The following DCLK2 variants were observed in gnomAD, a reference collection of about 807,000 sequenced individuals.
DCLK2 encodes serine/threonine-protein kinase DCLK2.
In DCLK2, 31 loss-of-function variants were observed where a neutral mutation model predicts 78.4. The observed-to-expected ratio is 0.40, with a 90% CI of 0.30 to 0.53. The LOEUF (loss-of-function observed/expected upper bound fraction) is 0.53. Among genes scored for constraint, DCLK2 ranks in the 20% least tolerant of loss-of-function variants. DCLK2 has a pLI of 0.61. For missense variants in DCLK2, 872 were observed against 973.7 expected (o/e 0.90, Z 1.39); for synonymous variants, 407 against 374.9 (o/e 1.09, Z -0.99).
chr4:150,218,700 T>C (rs907928513), intron 5 of DCLK2, among the ~76,000 whole-genome samples: 1 of 152,184 alleles, frequency 6.6e-6, no homozygotes, highest in Non-Finnish European at 1.5e-5. Context: ...CAGCTGCCTG[T>C]GGCCTGACCA....
rs775876490 is a variant in DCLK2 at position 150,160,402 on chromosome 4, A to T, written c.757-32736A>T. Among the ~76,000 whole-genome samples the T allele has an allele frequency of 3.0e-4, 46 of 152,126 alleles. 1 individual carries two copies. The highest frequency in any genetic ancestry group is 6.0e-4 in the Non-Finnish European group (41 of 68,036). On this transcript the variant is annotated intron_variant, in intron 2 of 15. Transcript: ENST00000296550. Reference sequence around the variant, plus strand: ...TGTTTGTTATTTTGCAGCTTTTAGGATTTAATTTACTTTCAGTATTCAAGC... The same window carrying T: ...TGTTTGTTATTTTGCAGCTTTTAGGTTTTAATTTACTTTCAGTATTCAAGC...
At position 150,165,019 on chromosome 4, in the gene DCLK2, T is replaced by G. The variant is rs115393731; in HGVS notation, c.757-28119T>G. Among the ~76,000 whole-genome samples, 1,259 of 152,352 alleles carry G rather than the reference T, an allele frequency of 8.3e-3. 5 individuals carry two copies. The highest frequency in any genetic ancestry group is 0.021 in the Middle Eastern group (6 of 292). ...CTTGTTTTGGTTTACATGAGTAATC[T>G]CTGATTTTGTAGTGAATAAATGGGT... On this transcript the variant is annotated intron_variant, in intron 2 of 15. Coordinates refer to ENST00000296550, the MANE Select transcript of DCLK2 (RefSeq NM_001040260.4).
chr4:150,204,007 T>A lies in DCLK2; in HGVS notation c.1056+118T>A, dbSNP rs1023374254. The stretch of plus-strand genomic sequence containing the variant: ...TAGCAAATTAAAAAGATTTTAGGAT[T>A]TTGAGCCTGGTAGACTTGACTTCGA... On this transcript the variant is annotated intron_variant, in intron 5 of 15. Coordinates refer to ENST00000296550, the MANE Select transcript of DCLK2 (RefSeq NM_001040260.4). 2.9e-5 allele frequency: 28 copies of A among 954,508 alleles called. No homozygotes were observed. The South Asian group carries it at 4.6e-4, about 16-fold the overall frequency. 59.1% of individuals were successfully genotyped at this position (954,508 alleles called of 1,614,324 possible). A position where few individuals can be genotyped will look rare whatever the true frequency, so the allele number is the denominator to read the frequency against.
At position 150,190,034 on chromosome 4, in the gene DCLK2, C is replaced by CAAAAAAAAAAAAAAAAAA. The variant is rs71596222; in HGVS notation, c.757-3087_757-3086insAAAAAAAAAAAAAAAAAA. On this transcript the variant is annotated intron_variant, in intron 2 of 15. Coordinates refer to ENST00000296550, the MANE Select transcript of DCLK2 (RefSeq NM_001040260.4). ...TGGGCATCATAGGGAGACCCTGTCT[C>CAAAAAAAAAAAAAAAAAA]AAAAAAAAAAAAAAAAAGGCCAAGT... Among the ~76,000 whole-genome samples, 62 of 26,226 alleles carry CAAAAAAAAAAAAAAAAAA rather than the reference C, an allele frequency of 2.4e-3. 17 individuals are homozygous for CAAAAAAAAAAAAAAAAAA. Among genetic ancestry groups the CAAAAAAAAAAAAAAAAAA allele is most frequent in the Non-Finnish European group, 3.3e-3 (42 of 12,548 alleles). The allele number at this position is 26,226 out of a possible 152,430, so 17.2% of individuals were successfully genotyped here. A position where few individuals can be genotyped will look rare whatever the true frequency, so the allele number is the denominator to read the frequency against.
intron 2 of DCLK2, among the ~76,000 whole-genome samples, chr4:150,130,789 T>A (rs985090052): frequency 3.6e-4 from 54 of 151,914 alleles, no homozygotes; most frequent in African/African-American, 1.3e-3. Flanking sequence ...GAGCAGAGAA[T>A]CCAGACTGAA....
intron 2 of DCLK2, among the ~76,000 whole-genome samples, chr4:150,122,880 T>C (rs1356472356): frequency 6.6e-6 from 1 of 152,250 alleles, no homozygotes; most frequent in Non-Finnish European, 1.5e-5. Flanking sequence ...TAGCAAGGGC[T>C]TCTTTCCTTA....
intron 2 of DCLK2, among the ~76,000 whole-genome samples, chr4:150,174,605 C>T (rs901333432): frequency 6.6e-6 from 1 of 151,954 alleles, no homozygotes. Context: ...AGGCGGATCA[C>T]GAGGTCAGGA....
At chr4:150,247,815 G>A in intron 13 of DCLK2, 116 bp downstream of exon 13, 1 of 768,008 alleles carries the variant, frequency 1.3e-6, no homozygotes, top group South Asian at 2.0e-5. Context: ...CTTTTAATGT[G>A]TGGTTCTTCT....
At chr4:150,173,949 G>T (rs1736742138) in intron 2 of DCLK2, among the ~76,000 whole-genome samples, 1 of 152,176 alleles carries the variant, frequency 6.6e-6, no homozygotes, top group Non-Finnish European at 1.5e-5. Context: ...GAACTCCTAT[G>T]AAGTCGAAGG....
intron 1 of DCLK2, among the ~76,000 whole-genome samples, chr4:150,084,633 G>C (rs966533238): frequency 1.3e-5 from 2 of 152,200 alleles, no homozygotes; most frequent in African/African-American, 4.8e-5. Flanking sequence ...TATGAGATTA[G>C]AGTATGACAC....
intron 2 of DCLK2, among the ~76,000 whole-genome samples, chr4:150,104,412 A>AT (rs1405123752): frequency 1.3e-5 from 2 of 149,796 alleles, no homozygotes; most frequent in African/African-American, 4.9e-5. Context: ...AAAAAAAAAA[A>AT]AAAAAAAAAA....
intron 1 of DCLK2, among the ~76,000 whole-genome samples, chr4:150,090,503 G>T (rs1026269944): frequency 2.2e-5 from 2 of 90,002 alleles, no homozygotes; most frequent in East Asian, 3.8e-4. Context: ...GATATTCTTG[G>T]CCCCATGTAT....
chr4:150,175,011 A>AAAAATAT lies in DCLK2; in HGVS notation c.757-18126_757-18125insAAATATA, dbSNP rs1454035697. Among the ~76,000 whole-genome samples, 19 of 9,976 alleles carry AAAAATAT rather than the reference A, an allele frequency of 1.9e-3. 7 individuals carry two copies. The highest frequency in any genetic ancestry group is 4.5e-3 in the African/African-American group (17 of 3,794). 6.5% of individuals were successfully genotyped at this position (9,976 alleles called of 152,430 possible). A position where few individuals can be genotyped will look rare whatever the true frequency, so the allele number is the denominator to read the frequency against. ...AGACTCCGTCGCAAAAAAAAAAAAA[A>AAAAATAT]ATATATATATATATATATATATTTA... is the stretch of plus-strand genomic sequence containing the variant. On this transcript the variant is annotated intron_variant, in intron 2 of 15. Coordinates refer to ENST00000296550, the MANE Select transcript of DCLK2 (RefSeq NM_001040260.4).
chr4:150,228,597 A>G (rs1181104547), intron 8 of DCLK2, among the ~76,000 whole-genome samples: 1 of 152,232 alleles, frequency 6.6e-6, no homozygotes, highest in Non-Finnish European at 1.5e-5. Flanking sequence ...ATTCGGGGCT[A>G]TGAGAGCAGG....
chr4:150,108,398 G>A (rs1030866442), intron 2 of DCLK2, among the ~76,000 whole-genome samples: 4 of 151,476 alleles, frequency 2.6e-5, no homozygotes, highest in Non-Finnish European at 5.9e-5. Flanking sequence ...AAAAAAATTA[G>A]CTGGGCGTGG....
chr4:150,135,462 G>A (rs1423133200), intron 2 of DCLK2, among the ~76,000 whole-genome samples: 2 of 152,148 alleles, frequency 1.3e-5, no homozygotes, highest in Admixed American at 6.5e-5. Flanking sequence ...TCTGTTTAAA[G>A]CTCTGAGTTC....
At chr4:150,156,529 G>A (rs1735284922) in intron 2 of DCLK2, among the ~76,000 whole-genome samples, 1 of 135,484 alleles carries the variant, frequency 7.4e-6, no homozygotes, top group East Asian at 2.5e-4. Flanking sequence ...TAAATAGCCG[G>A]GCATGGTGGC....
chr4:150,172,607 CAAAA>C (rs34267089), intron 2 of DCLK2, among the ~76,000 whole-genome samples: 3 of 70,132 alleles, frequency 4.3e-5, no homozygotes, highest in South Asian at 1.1e-3. Context: ...GACTCCGTCT[CAAAA>C]AAAAAAAAAA....
intron 1 of DCLK2, among the ~76,000 whole-genome samples, chr4:150,089,104 T>C (rs1729866806): frequency 1.6e-5 from 2 of 124,614 alleles, no homozygotes; most frequent in Non-Finnish European, 3.6e-5. Context: ...TCTGAAACCT[T>C]TCTGGTCCAA....
Sources: gnomAD v4.1 joint callset for allele counts (sites outside exome capture counted in the v4.1 genomes callset) on GRCh38, gnomAD v4.1.1 for gene constraint, MANE v1.5 for transcripts, NCBI Gene and HGNC (gene_info 2026-07-23, HGNC 2026-07-21) for gene names.